The following NME5 variants were observed in gnomAD, a reference collection of about 807,000 sequenced individuals.
NME5 encodes the protein NME/NM23 family member 5, also known as nucleoside diphosphate kinase 5.
Under a neutral mutation model 21.6 loss-of-function variants are expected in NME5, and 18 were observed. That is an observed-to-expected ratio of 0.83 (90% CI 0.58 to 1.24). The LOEUF (loss-of-function observed/expected upper bound fraction) is 1.24. Among genes scored for constraint, NME5 ranks in the 50% most tolerant of loss-of-function variants. The pLI is 0.00. For missense variants in NME5, 223 were observed against 255.4 expected, an observed-to-expected ratio of 0.87 and a Z score of 0.86; for synonymous variants, 70 against 80.6, an observed-to-expected ratio of 0.87 and a Z score of 0.71.
Position 138,129,289 on chromosome 5 carries a change from TA to T in NME5, c.308del (p.Leu103Ter). 6.2e-7 allele frequency: 1 copy of T among 1,613,818 alleles called. No individual in the cohort carries two copies. The highest frequency in any genetic ancestry group is 8.5e-7 in the Non-Finnish European group (1 of 1,179,734). ...TGTCTGGATGTGTCTCCTTCGCTAC[TA>T]AGCTATTATTTGGTCCCAAAAGTTC... The part of the protein sequence containing the change: ...WLELLGPNNS[L>X]VAKETHPDSL... On this transcript the variant is annotated frameshift_variant, in exon 3 of 6. Transcript: ENST00000265191. LOFTEE classifies it high-confidence loss of function.
At chr5:138,125,451 C>G (rs1158931752) in intron 4 of NME5, among the ~76,000 whole-genome samples, 2 of 152,120 alleles carry the variant, frequency 1.3e-5, no homozygotes, top group African/African-American at 4.8e-5. Flanking sequence ...TGGTGGTACA[C>G]ACCTGTAGTC....
At chr5:138,118,520 C>G (rs1040806654) in intron 5 of NME5, among the ~76,000 whole-genome samples, 3 of 151,842 alleles carry the variant, frequency 2.0e-5, no homozygotes, top group Non-Finnish European at 2.9e-5. Flanking sequence ...GAGTCTTGCT[C>G]TGTCACCCAG....
intron 4 of NME5, among the ~76,000 whole-genome samples, chr5:138,124,110 C>T (rs1751347200): frequency 6.8e-6 from 1 of 146,640 alleles, no homozygotes; most frequent in South Asian, 2.2e-4. Context: ...GGTTATCCTG[C>T]CTCAGCCTCC....
chr5:138,129,429 A>C lies in NME5; in HGVS notation c.169T>G (p.Phe57Val). 6.2e-7 allele frequency: 1 copy of C among 1,614,128 alleles called. No homozygotes were observed. Among genetic ancestry groups the C allele is most frequent in the Non-Finnish European group, 8.5e-7 (1 of 1,180,006 alleles). ...ATTTTTCCATACTTTTCCACATAAA[A>C]GTTACTACATTGCTCAGGGCTGAGG... Reference protein sequence around the residue: ...LRLSPEQCSNFYVEKYGKMFF... With the variant: ...LRLSPEQCSNVYVEKYGKMFF... The change falls in exon 3 of 6, where the codon TTT (phenylalanine) becomes GTT (valine). Residue 57 changes from phenylalanine (F) to valine (V), a missense_variant. Transcript: ENST00000265191.
chr5:138,118,864 A>C lies in NME5; in HGVS notation c.509T>G (p.Leu170Arg). 6.2e-7 allele frequency: 1 copy of C among 1,613,760 alleles called. No individual in the cohort carries two copies. Among genetic ancestry groups the C allele is most frequent in the South Asian group, 1.1e-5 (1 of 91,072 alleles). The change falls in exon 5 of 6, where the codon CTT (leucine) becomes CGT (arginine). Residue 170 changes from leucine (L) to arginine (R), a missense_variant. Leu to Arg is a moderately radical substitution (Grantham distance 102). Transcript: ENST00000265191. ...YLNLHIMPTL[L>R]EGLTELCKQK... is the part of the protein sequence containing the mutation. ...CTTACAAAGCTCTGTGAGTCCTTCA[A>C]GCAGAGTTGGCATTATATGTAAATT...
intron 4 of NME5, chr5:138,127,494 G>A: frequency 1.0e-6 from 1 of 978,216 alleles, no homozygotes; most frequent in South Asian, 4.7e-5. Context: ...AAAATACTGA[G>A]GAACAGATCT....
At chr5:138,119,039 T>C (rs1751226277) in intron 4 of NME5, 103 bp from the exon 5 acceptor site, 2 of 685,638 alleles carry the variant, frequency 2.9e-6, no homozygotes, top group African/African-American at 3.7e-5. Context: ...TTTTTTTATA[T>C]GTTTTTTTGA....
chr5:138,120,435 T>G (rs1581376653), intron 4 of NME5, among the ~76,000 whole-genome samples: 1 of 152,096 alleles, frequency 6.6e-6, no homozygotes, highest in Middle Eastern at 3.4e-3. Context: ...AGACGGGGTT[T>G]CACCATGTTA....
chr5:138,121,180 T>C (rs1751278411), intron 4 of NME5, among the ~76,000 whole-genome samples: 1 of 151,608 alleles, frequency 6.6e-6, no homozygotes, highest in Non-Finnish European at 1.5e-5. Context: ...AAGATATATA[T>C]ATATATCATT....
chr5:138,130,579 A>T (rs1751537902), intron 2 of NME5, among the ~76,000 whole-genome samples: 1 of 152,178 alleles, frequency 6.6e-6, no homozygotes. Context: ...ACTTGAGGTC[A>T]GGGGTTCGAG....
chr5:138,134,188 G>A (rs1382477096), intron 2 of NME5, among the ~76,000 whole-genome samples: 1 of 152,126 alleles, frequency 6.6e-6, no homozygotes. Context: ...TGATTCTCCA[G>A]CCTTGCCTCC....
At chr5:138,124,206 T>C (rs1333347657) in intron 4 of NME5, among the ~76,000 whole-genome samples, 3 of 151,894 alleles carry the variant, frequency 2.0e-5, no homozygotes, top group African/African-American at 4.8e-5. Context: ...CTTCACTTTG[T>C]TGACCAGGTT....
intron 5 of NME5, 69 bp from the exon 6 acceptor site, chr5:138,115,833 C>A: frequency 2.0e-6 from 2 of 979,812 alleles, no homozygotes; most frequent in South Asian, 1.8e-5. Context: ...TATACTATAT[C>A]AATTGGAAAC....
At chr5:138,131,660 A>G (rs1751570693) in intron 2 of NME5, among the ~76,000 whole-genome samples, 1 of 152,134 alleles carries the variant, frequency 6.6e-6, no homozygotes, top group East Asian at 1.9e-4. Flanking sequence ...ATAAAAATTA[A>G]TCAGGTTTAA....
chr5:138,138,384 A>G, intron 2 of NME5: 1 of 326,094 alleles, frequency 3.1e-6, no homozygotes, highest in Non-Finnish European at 5.6e-6. Context: ...TGCATAGAAA[A>G]CTCCTGGAAG....
At chr5:138,125,328 T>G (rs1751372483) in intron 4 of NME5, among the ~76,000 whole-genome samples, 1 of 152,152 alleles carries the variant, frequency 6.6e-6, no homozygotes, top group Non-Finnish European at 1.5e-5. Context: ...GTTGAAGAAA[T>G]GGAATATAGC....
chr5:138,120,982 A>G (rs1023736002), intron 4 of NME5, among the ~76,000 whole-genome samples: 2 of 152,154 alleles, frequency 1.3e-5, no homozygotes, highest in African/African-American at 4.8e-5. Flanking sequence ...GTTGGGCAAA[A>G]TCATCTAACA....
intron 3 of NME5, 95 bp downstream of exon 3, chr5:138,129,166 TAA>T: frequency 2.1e-6 from 2 of 973,056 alleles, no homozygotes; most frequent in Non-Finnish European, 3.0e-6. Context: ...AACTTCCAAA[TAA>T]AAAAAAAATT....
intron 4 of NME5, among the ~76,000 whole-genome samples, chr5:138,126,438 G>A (rs942130423): frequency 6.7e-6 from 1 of 148,456 alleles, no homozygotes; most frequent in Non-Finnish European, 1.5e-5. Context: ...TTGAGTCTGC[G>A]TGGTCAAGGC....
Sources: gnomAD v4.1 joint callset for allele counts (sites outside exome capture counted in the v4.1 genomes callset) on GRCh38, gnomAD v4.1.1 for gene constraint, MANE v1.5 for transcripts, NCBI Gene and HGNC (gene_info 2026-07-23, HGNC 2026-07-21) for gene names.